The following APOL4 variants were observed in gnomAD, a reference collection of about 807,000 sequenced individuals.
APOL4 encodes the protein apolipoprotein L, 4.
APOL4 carries 14 observed loss-of-function variants against 12.1 expected under a neutral mutation model. The observed-to-expected ratio is 1.16, with a 90% CI of 0.76 to 1.81. The LOEUF is 1.81. APOL4 is among the 40% of genes most tolerant of loss of function. The pLI is 0.00. For synonymous variants in APOL4, 171 were observed against 160.6 expected (o/e 1.06, Z -0.49); for missense variants, 432 against 423.1 (o/e 1.02, Z -0.18).
At chr22:36,195,252 C>CA (rs1471170616) in intron 3 of APOL4, 59 bp downstream of exon 3, 2 of 1,574,698 alleles carry the variant, frequency 1.3e-6, no homozygotes, top group East Asian at 2.3e-5. Context: ...AAAACTAGCC[C>CA]GGGGAGATCT....
At chr22:36,194,822 T>C (rs569028531) in intron 3 of APOL4, among the ~76,000 whole-genome samples, 95 of 152,298 alleles carry the variant, frequency 6.2e-4, no homozygotes, top group African/African-American at 2.3e-3. Context: ...GGAACACACA[T>C]TGATCAGGTC....
Position 36,191,098 on chromosome 22 carries a change from G to A in APOL4, c.1024C>T (p.His342Tyr), listed in dbSNP as rs778526067. Residue 342 changes from histidine to tyrosine, a missense_variant, in exon 4 of 4, where the codon CAT becomes TAT. Transcript: ENST00000683024. ...EENLNELTHIHQSLKAG is the reference protein window; with the variant it reads ...EENLNELTHIYQSLKAG ...GCCTAGCCTGCTTTTAGACTCTGAT[G>A]GATATGGGTGAGCTCATTGAGATTC... 2 of 1,605,972 alleles carry A rather than the reference G, an allele frequency of 1.2e-6. No individual in the cohort carries two copies. Among genetic ancestry groups the A allele is most frequent in the Non-Finnish European group, 1.7e-6 (2 of 1,175,888 alleles).
chr22:36,203,309 T>C (rs2014637559), upstream of APOL4, among the ~76,000 whole-genome samples: 1 of 152,214 alleles, frequency 6.6e-6, no homozygotes, highest in Non-Finnish European at 1.5e-5. Context: ...CCAGCATTTA[T>C]TATTCAGTTT....
intron 2 of APOL4, chr22:36,197,868 G>C (rs1210571573): frequency 2.6e-6 from 4 of 1,530,038 alleles, no homozygotes; most frequent in Non-Finnish European, 3.5e-6. Flanking sequence ...GCTAAGACCA[G>C]TAAGATCTAA....
At chr22:36,192,950 G>A (rs1025867815) in intron 3 of APOL4, among the ~76,000 whole-genome samples, 2 of 152,140 alleles carry the variant, frequency 1.3e-5, no homozygotes, top group Non-Finnish European at 1.5e-5. Flanking sequence ...TCAGTTGGGC[G>A]GTTCTGAGCC....
chr22:36,191,475 C>T lies in APOL4; in HGVS notation c.647G>A (p.Arg216Lys). 3 of 1,614,072 alleles carry T rather than the reference C, an allele frequency of 1.9e-6. No homozygotes were observed. In the South Asian group the frequency reaches 3.3e-5, roughly 18 times the overall value. Reference sequence around the variant, plus strand: ...GGGTGTGATGTCACGCAGAATGTCCCTTAATGCCTCCAATTGGTCAGTGCT... The same window carrying T: ...GGGTGTGATGTCACGCAGAATGTCCTTTAATGCCTCCAATTGGTCAGTGCT... ...ATSTDQLEALRDILRDITPNV... is the reference protein window; with the variant it reads ...ATSTDQLEALKDILRDITPNV... Residue 216 changes from arginine (R) to lysine (K), a missense_variant, in exon 4 of 4, where the codon AGG becomes AAG. Arg to Lys is a conservative substitution (Grantham distance 26). Coordinates refer to ENST00000683024, the MANE Select transcript of APOL4 (RefSeq NM_001386885.1).
chr22:36,198,219 A>G lies in APOL4; in HGVS notation c.82+1111T>C, dbSNP rs372982128. 1.6e-4 allele frequency among the ~76,000 whole-genome samples: 25 copies of G among 152,360 alleles called. No homozygotes were observed. In the East Asian group the frequency reaches 3.9e-3, roughly 23 times the overall value. On this transcript the variant is annotated intron_variant, in intron 2 of 3. Coordinates refer to ENST00000683024, the MANE Select transcript of APOL4 (RefSeq NM_001386885.1). ...CTCTTCGTTGTCAGAATCCTGGACA[A>G]GGCTAAGGTCCGGTCTCACCTGCAT...
rs1241282541 is a variant in APOL4 at position 36,189,139 on chromosome 22, CTAAGTT to C, written c.*1930_*1935del. 6.6e-6 allele frequency: 1 copy of C among 152,180 alleles called. No individual in the cohort carries two copies. Among genetic ancestry groups the C allele is most frequent in the Non-Finnish European group, 1.5e-5 (1 of 68,054 alleles). 9.4% of individuals were successfully genotyped at this position (152,180 alleles called of 1,614,324 possible). On this transcript the variant is annotated 3_prime_UTR_variant, in exon 4 of 4. Transcript: ENST00000683024. The stretch of plus-strand genomic sequence containing the variant: ...TAAACAAGTCCAGCTTGGCGAGTAG[CTAAGTT>C]TATTAGGACTTACACACAGGGCACT...
At chr22:36,201,663 G>A (rs1427605838) in intron 1 of APOL4, 37 bp downstream of exon 1, 1 of 1,575,680 alleles carries the variant, frequency 6.3e-7, no homozygotes, top group East Asian at 2.3e-5. Context: ...AGAGAGCAGA[G>A]GAGCAGGAGG....
At chr22:36,200,984 TACTGGGTACA>T (rs1244066056) in intron 1 of APOL4, among the ~76,000 whole-genome samples, 3 of 152,170 alleles carry the variant, frequency 2.0e-5, no homozygotes, top group Non-Finnish European at 4.4e-5. Flanking sequence ...AGTTAAGAAA[TACTGGGTACA>T]ACTGAGGGTA....
chr22:36,193,454 G>A (rs1016655918), intron 3 of APOL4, among the ~76,000 whole-genome samples: 1 of 152,232 alleles, frequency 6.6e-6, no homozygotes, highest in African/African-American at 2.4e-5. Context: ...TGAGGACAAT[G>A]AAGCTTCACA....
At chr22:36,192,156 C>G (rs1010892539) in intron 3 of APOL4, among the ~76,000 whole-genome samples, 1 of 151,538 alleles carries the variant, frequency 6.6e-6, no homozygotes, top group Non-Finnish European at 1.5e-5. Context: ...CTAGCTAACA[C>G]GGTGAAACCC....
chr22:36,202,808 A>C (rs2014625266), upstream of APOL4, among the ~76,000 whole-genome samples: 1 of 152,078 alleles, frequency 6.6e-6, no homozygotes. Context: ...GATTTCATGG[A>C]CTTTTGGCAG....
chr22:36,195,772 TCTCTCACA>T (rs1262752024), intron 2 of APOL4, among the ~76,000 whole-genome samples: 1,878 of 140,120 alleles, frequency 0.013, 12 homozygotes, highest in Middle Eastern at 0.058. Context: ...TCTCTCTCTC[TCTCTCACA>T]CACACACACA....
chr22:36,202,041 C>T (rs780979645), upstream of APOL4: 1 of 1,614,100 alleles, frequency 6.2e-7, no homozygotes, highest in South Asian at 1.1e-5. Context: ...CTCCATGTCG[C>T]TGCGGGGCCT....
chr22:36,190,315 G>A lies in APOL4; in HGVS notation c.*760C>T, dbSNP rs2014208408. 6.6e-6 allele frequency: 1 copy of A among 152,232 alleles called. No homozygotes were observed. Among genetic ancestry groups the A allele is most frequent in the East Asian group, 1.9e-4 (1 of 5,206 alleles). 9.4% of individuals were successfully genotyped at this position (152,232 alleles called of 1,614,324 possible). On this transcript the variant is annotated 3_prime_UTR_variant, in exon 4 of 4. Transcript: ENST00000683024. The stretch of plus-strand genomic sequence containing the variant: ...GATCACAGGAACACAGGACCGGGGA[G>A]AAATTAAAATTGCTAATGAGGTTTC...
chr22:36,192,023 G>C (rs2014271239), intron 3 of APOL4, 111 bp from the exon 4 acceptor site: 1 of 1,032,460 alleles, frequency 9.7e-7, no homozygotes, highest in African/African-American at 1.6e-5. Flanking sequence ...AAGTCAAATG[G>C]AAGTAAAGTT....
rs540839178 is a variant in APOL4, at chr22:36,190,777, C to T, written c.*298G>A. 31 of 316,916 alleles carry T rather than the reference C, an allele frequency of 9.8e-5. 1 individual carries two copies. Among genetic ancestry groups the T allele is most frequent in the South Asian group, 7.1e-4 (16 of 22,642 alleles). The allele number at this position is 316,916 out of a possible 1,614,324, so 19.6% of individuals were successfully genotyped here. A position where few individuals can be genotyped will look rare whatever the true frequency, so the allele number is the denominator to read the frequency against. On this transcript the variant is annotated 3_prime_UTR_variant, in exon 4 of 4. Coordinates refer to ENST00000683024, the MANE Select transcript of APOL4 (RefSeq NM_001386885.1). ...CATGCTCTACAATTTGTGCAGTTAACGCAATTATCACATGGTCCTGAGGTG... is the reference window on the plus strand; with the variant it reads ...CATGCTCTACAATTTGTGCAGTTAATGCAATTATCACATGGTCCTGAGGTG...
intron 3 of APOL4, among the ~76,000 whole-genome samples, chr22:36,193,597 AG>A (rs762887965): frequency 6.6e-6 from 1 of 152,138 alleles, no homozygotes; most frequent in Non-Finnish European, 1.5e-5. Flanking sequence ...ATCCAACCTG[AG>A]GGGGGCTTAA....
Sources: allele counts gnomAD v4.1 joint callset (sites outside exome capture counted in the v4.1 genomes callset), GRCh38; gene constraint gnomAD v4.1.1; transcripts MANE v1.5; gene names NCBI Gene and HGNC (gene_info 2026-07-23, HGNC 2026-07-21).